LRRTM4: variants seen among roughly 807,000 people sequenced by gnomAD.
LRRTM4 encodes leucine-rich repeat transmembrane neuronal protein 4.
Under a neutral mutation model 47.6 loss-of-function variants are expected in LRRTM4, and 25 were observed. That is an observed-to-expected ratio of 0.53 (90% confidence interval 0.38 to 0.73). The LOEUF (loss-of-function observed/expected upper bound fraction) is 0.73, where lower values mean the gene tolerates loss of function less well. LRRTM4 is among the 30% of genes least tolerant of loss of function. The pLI is 0.00. For missense variants in LRRTM4, 638 were observed against 713.4 expected (o/e 0.89, Z 1.20); for synonymous variants, 311 against 269.5 (o/e 1.15, Z -1.51).
At chr2:76,916,402 A>G (rs929037197) in intron 3 of LRRTM4, among the ~76,000 whole-genome samples, 9 of 148,828 alleles carry the variant, frequency 6.0e-5, no homozygotes, top group Non-Finnish European at 1.2e-4. Flanking sequence ...AAAAAAAAAA[A>G]AAAAAGAAAA....
chr2:76,834,207 ATT>A (rs11355686), intron 3 of LRRTM4, among the ~76,000 whole-genome samples: 99 of 141,102 alleles, frequency 7.0e-4, no homozygotes, highest in Non-Finnish European at 7.1e-4. Context: ...TGCCAAGCTA[ATT>A]TTTTTTTTTT....
chr2:77,452,253 C>G, intron 3 of LRRTM4, among the ~76,000 whole-genome samples: 1 of 152,224 alleles, frequency 6.6e-6, no homozygotes, highest in African/African-American at 2.4e-5. Context: ...CAGTGGACTA[C>G]GCAGCATGCA....
chr2:76,808,260 C>T (rs12468974), intron 3 of LRRTM4, among the ~76,000 whole-genome samples: 5,417 of 152,090 alleles, frequency 0.036, 194 homozygotes, highest in East Asian at 0.19. Context: ...CTTCGTGATC[C>T]GCCTGCCTTG....
At chr2:77,392,690 A>G (rs1237846346) in intron 3 of LRRTM4, among the ~76,000 whole-genome samples, 1 of 152,010 alleles carries the variant, frequency 6.6e-6, no homozygotes, top group Non-Finnish European at 1.5e-5. Flanking sequence ...AGAAACAGAG[A>G]GTAAAATATT....
intron 3 of LRRTM4, among the ~76,000 whole-genome samples, chr2:76,914,220 A>G (rs1022331749): frequency 3.9e-5 from 6 of 152,014 alleles, no homozygotes; most frequent in South Asian, 4.1e-4. Flanking sequence ...CATCATATCA[A>G]TAACTTTATA....
intron 3 of LRRTM4, among the ~76,000 whole-genome samples, chr2:77,481,148 C>T (rs1449910488): frequency 6.6e-6 from 1 of 152,148 alleles, no homozygotes; most frequent in Non-Finnish European, 1.5e-5. Context: ...ATTAACTAAC[C>T]TTATAGAATA....
At position 76,748,824 on chromosome 2, in the gene LRRTM4, C is replaced by G. The variant is rs374989855; in HGVS notation, c.1644G>C (p.Lys548Asn). 7.1e-5 allele frequency: 115 copies of G among 1,613,878 alleles called. No homozygotes were observed. The highest frequency in any genetic ancestry group is 9.2e-5 in the Non-Finnish European group (109 of 1,179,892). ...CQAHQPLHVT[K>N]GYETVSPEQD... is the part of the protein sequence containing the mutation. ...GCTCTGGAGACACTGTCTCATAGCCCTTGGTGACATGGAGTGGCTGGTGGG... is the reference window on the plus strand; with the variant it reads ...GCTCTGGAGACACTGTCTCATAGCCGTTGGTGACATGGAGTGGCTGGTGGG... Residue 548 changes from lysine to asparagine, a missense_variant, in exon 4 of 4, where the codon AAG becomes AAC. Coordinates refer to ENST00000409884, the MANE Select transcript of LRRTM4 (RefSeq NM_001134745.3).
At chr2:77,453,844 T>C (rs1038952639) in intron 3 of LRRTM4, among the ~76,000 whole-genome samples, 2 of 152,188 alleles carry the variant, frequency 1.3e-5, no homozygotes, top group African/African-American at 2.4e-5. Context: ...CATAATAGTA[T>C]TTAACTTTTT....
intron 3 of LRRTM4, among the ~76,000 whole-genome samples, chr2:77,021,091 T>C (rs975977714): frequency 5.8e-5 from 8 of 138,338 alleles, no homozygotes; most frequent in African/African-American, 2.2e-4. Context: ...AAGAAACTTC[T>C]CTGTATCTAT....
intron 3 of LRRTM4, among the ~76,000 whole-genome samples, chr2:76,769,883 C>CT (rs35766687): frequency 1.3e-5 from 2 of 151,586 alleles, no homozygotes; most frequent in South Asian, 4.1e-4. Context: ...AAAATAATAC[C>CT]TTTTTTTCAG....
chr2:77,261,649 GATGCCTAACAGC>G (rs1457824437), intron 3 of LRRTM4, among the ~76,000 whole-genome samples: 2 of 151,952 alleles, frequency 1.3e-5, no homozygotes, highest in Non-Finnish European at 2.9e-5. Context: ...GATCTAACAG[GATGCCTAACAGC>G]ATTAAGATAA....
At chr2:76,833,466 C>T (rs1573184408) in intron 3 of LRRTM4, among the ~76,000 whole-genome samples, 1 of 152,064 alleles carries the variant, frequency 6.6e-6, no homozygotes, top group Non-Finnish European at 1.5e-5. Context: ...TCCTAATATA[C>T]AACAGTTTTC....
At chr2:77,189,459 G>A (rs1289437782) in intron 3 of LRRTM4, among the ~76,000 whole-genome samples, 1 of 152,064 alleles carries the variant, frequency 6.6e-6, no homozygotes, top group Non-Finnish European at 1.5e-5. Flanking sequence ...TTAGAAGGTG[G>A]GGCCTCTGAG....
chr2:77,388,948 T>C (rs1673394769), intron 3 of LRRTM4, among the ~76,000 whole-genome samples: 2 of 152,096 alleles, frequency 1.3e-5, no homozygotes, highest in Non-Finnish European at 2.9e-5. Context: ...TAATATAATA[T>C]AACCATTTCA....
chr2:77,099,822 A>ATAAAT (rs1670904335), intron 3 of LRRTM4, among the ~76,000 whole-genome samples: 1 of 151,984 alleles, frequency 6.6e-6, no homozygotes, highest in African/African-American at 2.4e-5. Flanking sequence ...ATATAATAAA[A>ATAAAT]ATTACCTAAA....
At chr2:77,439,868 G>A (rs777464200) in intron 3 of LRRTM4, among the ~76,000 whole-genome samples, 2 of 152,092 alleles carry the variant, frequency 1.3e-5, no homozygotes, top group African/African-American at 4.8e-5. Flanking sequence ...TACAGATGAA[G>A]TAATTGAGAC....
intron 3 of LRRTM4, among the ~76,000 whole-genome samples, chr2:77,423,329 T>G (rs572783027): frequency 7.2e-6 from 1 of 138,566 alleles, no homozygotes; most frequent in Admixed American, 7.1e-5. Flanking sequence ...TTTGGAATAA[T>G]TCCCAAAATT....
chr2:76,791,363 T>G (rs1476816600), intron 3 of LRRTM4, among the ~76,000 whole-genome samples: 1 of 152,060 alleles, frequency 6.6e-6, no homozygotes, highest in Non-Finnish European at 1.5e-5. Flanking sequence ...TTTGTAGATT[T>G]GAAACTCAGT....
intron 3 of LRRTM4, among the ~76,000 whole-genome samples, chr2:77,390,266 G>A (rs180928693): frequency 2.0e-5 from 3 of 152,094 alleles, no homozygotes; most frequent in Admixed American, 2.0e-4. Context: ...TAAACACTAT[G>A]GAGAGAGTAA....
Sources: allele counts gnomAD v4.1 joint callset (sites outside exome capture counted in the v4.1 genomes callset), GRCh38; gene constraint gnomAD v4.1.1; transcripts MANE v1.5; gene names NCBI Gene and HGNC (gene_info 2026-07-23, HGNC 2026-07-21).